STK39: variants seen among roughly 807,000 people sequenced by gnomAD.
STK39 encodes the protein serine/threonine kinase 39, also known as STE20/SPS1-related proline-alanine-rich protein kinase.
A neutral mutation model predicts 77.8 loss-of-function variants in STK39; 20 were observed. That is an observed-to-expected ratio of 0.26 (90% confidence interval 0.18 to 0.37). STK39 has a LOEUF of 0.37. Ranked by LOEUF, STK39 falls within the 10% of genes least tolerant of loss-of-function variation. The pLI is 1.00. For missense variants in STK39, 479 were observed against 656.5 expected, an observed-to-expected ratio of 0.73 and a Z score of 2.95; for synonymous variants, 246 against 234.1, an observed-to-expected ratio of 1.05 and a Z score of -0.47.
chr2:167,968,443 C>T (rs543597524), intron 16 of STK39, among the ~76,000 whole-genome samples: 2 of 152,186 alleles, frequency 1.3e-5, no homozygotes, highest in Non-Finnish European at 2.9e-5. Context: ...TCAAAAGATA[C>T]ACTTTTTCCT....
At chr2:167,957,352 A>C (rs1402338481) in intron 17 of STK39, among the ~76,000 whole-genome samples, 2 of 152,334 alleles carry the variant, frequency 1.3e-5, no homozygotes, top group East Asian at 3.9e-4. Flanking sequence ...AGGGGCGATG[A>C]GGTCTGAAAT....
chr2:168,193,538 A>C (rs1015686757), intron 1 of STK39, among the ~76,000 whole-genome samples: 1 of 152,208 alleles, frequency 6.6e-6, no homozygotes, highest in Admixed American at 6.5e-5. Context: ...GCCCCGGTGG[A>C]AGCAGCAGCA....
At chr2:168,031,247 C>T (rs115303628) in intron 14 of STK39, among the ~76,000 whole-genome samples, 7 of 152,124 alleles carry the variant, frequency 4.6e-5, no homozygotes, top group African/African-American at 1.4e-4. Flanking sequence ...TTTAAAGAGA[C>T]GACAAATACC....
At chr2:168,200,689 TAAA>T (rs1689592259) in intron 1 of STK39, among the ~76,000 whole-genome samples, 1 of 1,332 alleles carries the variant, frequency 7.5e-4, no homozygotes, top group Admixed American at 0.05. Flanking sequence ...AACATAAAAA[TAAA>T]ATAAAATAAA....
intron 1 of STK39, among the ~76,000 whole-genome samples, chr2:168,190,619 T>G (rs564694064): frequency 2.0e-5 from 3 of 152,092 alleles, no homozygotes; most frequent in Non-Finnish European, 4.4e-5. Context: ...TATGTGAGCA[T>G]AGAGAGATGA....
chr2:168,197,068 A>G (rs1175576669), intron 1 of STK39, among the ~76,000 whole-genome samples: 2 of 152,210 alleles, frequency 1.3e-5, no homozygotes, highest in Non-Finnish European at 2.9e-5. Flanking sequence ...CTATGTGTAG[A>G]TAAGATTGTA....
At chr2:168,002,061 T>C (rs192229748) in intron 16 of STK39, among the ~76,000 whole-genome samples, 35 of 152,302 alleles carry the variant, frequency 2.3e-4, no homozygotes, top group East Asian at 1.9e-3. Flanking sequence ...TCTAAAGTAA[T>C]TGAAAAAAGC....
intron 10 of STK39, among the ~76,000 whole-genome samples, chr2:168,075,853 T>C (rs1393235542): frequency 6.6e-6 from 1 of 152,070 alleles, no homozygotes; most frequent in Admixed American, 6.5e-5. Flanking sequence ...ATGAGACCTG[T>C]GAGATTGCTA....
Position 168,210,026 on chromosome 2 carries a change from AAAGAAAGGAAGGAAGGAAGG to A in STK39, c.209-27956_209-27937del, listed in dbSNP as rs1311061281. Among the ~76,000 whole-genome samples, 48 of 64,704 alleles carry A rather than the reference AAAGAAAGGAAGGAAGGAAGG, an allele frequency of 7.4e-4. 1 individual carries two copies. Among genetic ancestry groups the A allele is most frequent in the East Asian group, 1.0e-3 (2 of 2,004 alleles). 42.4% of individuals were successfully genotyped at this position (64,704 alleles called of 152,430 possible). ...AAAAAAAAAAAATAGGAAAGAAAGG[AAAGAAAGGAAGGAAGGAAGG>A]AAGGAAGGAAGGAAGGAAGGAAGGA... On this transcript the variant is annotated intron_variant, in intron 1 of 17. Coordinates refer to ENST00000355999, the MANE Select transcript of STK39 (RefSeq NM_013233.3).
chr2:168,049,842 T>C (rs934691719), intron 14 of STK39, among the ~76,000 whole-genome samples: 3 of 152,192 alleles, frequency 2.0e-5, no homozygotes, highest in African/African-American at 7.2e-5. Flanking sequence ...GTGTGTAAGG[T>C]GGCATTGTTT....
chr2:168,220,910 T>C (rs1262055911), intron 1 of STK39, among the ~76,000 whole-genome samples: 2 of 152,162 alleles, frequency 1.3e-5, no homozygotes, highest in Non-Finnish European at 2.9e-5. Context: ...CTTCATTTAG[T>C]ATTTTTCCAG....
intron 10 of STK39, among the ~76,000 whole-genome samples, chr2:168,108,407 G>A (rs1367810668): frequency 1.3e-5 from 2 of 152,054 alleles, no homozygotes; most frequent in Non-Finnish European, 2.9e-5. Flanking sequence ...AATTAGCCGG[G>A]CGTAGTGGCA....
chr2:168,174,954 G>A (rs1307491138), intron 2 of STK39, among the ~76,000 whole-genome samples: 1 of 151,878 alleles, frequency 6.6e-6, no homozygotes, highest in African/African-American at 2.4e-5. Flanking sequence ...TGCTGTATTT[G>A]GGTTCACCAC....
intron 10 of STK39, among the ~76,000 whole-genome samples, chr2:168,101,572 T>C (rs1240984139): frequency 2.6e-5 from 4 of 151,916 alleles, no homozygotes; most frequent in Non-Finnish European, 5.9e-5. Flanking sequence ...ACCCCATCTC[T>C]ACTAAACATA....
At chr2:168,090,532 T>A (rs780127264) in intron 10 of STK39, among the ~76,000 whole-genome samples, 3 of 152,182 alleles carry the variant, frequency 2.0e-5, no homozygotes, top group Non-Finnish European at 4.4e-5. Flanking sequence ...CCAACATAAC[T>A]GAAACTCGAG....
intron 14 of STK39, among the ~76,000 whole-genome samples, chr2:168,046,226 C>T (rs1392203142): frequency 6.6e-6 from 1 of 152,082 alleles, no homozygotes; most frequent in African/African-American, 2.4e-5. Flanking sequence ...ATTAGCCGGG[C>T]GTGGTGGTGC....
chr2:168,050,511 T>C (rs1277991199), intron 14 of STK39, among the ~76,000 whole-genome samples: 1 of 152,212 alleles, frequency 6.6e-6, no homozygotes, highest in African/African-American at 2.4e-5. Context: ...ACAAGGGTCC[T>C]TAAAAGCAGA....
At chr2:168,080,910 T>G (rs1276371551) in intron 10 of STK39, among the ~76,000 whole-genome samples, 1 of 152,232 alleles carries the variant, frequency 6.6e-6, no homozygotes, top group Non-Finnish European at 1.5e-5. Context: ...GCTTGGCAGC[T>G]TCCACATGAT....
chr2:168,193,226 C>T (rs1429728647), intron 1 of STK39, among the ~76,000 whole-genome samples: 1 of 152,184 alleles, frequency 6.6e-6, no homozygotes, highest in Non-Finnish European at 1.5e-5. Context: ...CCTCTGACAA[C>T]CTGAGGCCCT....
Sources: allele counts gnomAD v4.1 joint callset (sites outside exome capture counted in the v4.1 genomes callset), GRCh38; gene constraint gnomAD v4.1.1; transcripts MANE v1.5; gene names NCBI Gene and HGNC (gene_info 2026-07-23, HGNC 2026-07-21).